Variants in CCNH observed in about 807,000 individuals in gnomAD.
The protein encoded by CCNH is cyclin-H.
A neutral mutation model predicts 41.9 loss-of-function variants in CCNH; 31 were observed. The ratio of observed to expected loss-of-function variants is 0.74; its 90% CI spans 0.56 to 1.00. CCNH has a LOEUF of 1.00. Ranked by LOEUF, CCNH falls within the 50% of genes least tolerant of loss-of-function variation. CCNH has a pLI of 0.00. For missense variants in CCNH, 362 were observed against 388.4 expected (o/e 0.93, Z 0.57); for synonymous variants, 138 against 136.1 (o/e 1.01, Z -0.10).
chr5:87,383,171 A>G (rs182962257), intron 9 of CCNH, among the ~76,000 whole-genome samples: 174 of 152,274 alleles, frequency 1.1e-3, no homozygotes, highest in African/African-American at 4.1e-3. Flanking sequence ...TCAATAAGTC[A>G]CTTTTTCTCT....
downstream of CCNH, among the ~76,000 whole-genome samples, chr5:87,388,726 TTCTCA>T (rs570918836): frequency 9.0e-3 from 1,371 of 152,302 alleles, 1 homozygote; most frequent in African/African-American, 0.031. Context: ...ACCTGACAGG[TTCTCA>T]TTGCATTTTC....
At position 87,353,246 on chromosome 5, in the gene CCNH, C is replaced by G. The variant is rs1195674669; in HGVS notation, c.*91-34349G>C. 1.3e-6 allele frequency: 2 copies of G among 1,583,556 alleles called. No homozygotes were observed. The highest frequency in any genetic ancestry group is 2.7e-5 in the African/African-American group (2 of 74,174). ...CCTGTACCAATGCAGGTCAGTGTTGCATTTCTTATTGCAATAATTAGCATT... is the reference window on the plus strand; with the variant it reads ...CCTGTACCAATGCAGGTCAGTGTTGGATTTCTTATTGCAATAATTAGCATT... On this transcript the variant is annotated intron_variant and NMD_transcript_variant, in intron 9 of 9. Transcript: ENST00000645953.
At position 87,383,859 on chromosome 5, in the gene CCNH, C is replaced by CT. The variant is rs370865130; in HGVS notation, c.*90+8910dup. 0.045 allele frequency: 39,582 copies of CT among 884,704 alleles called. 16 individuals are homozygous for CT. Among genetic ancestry groups the CT allele is most frequent in the South Asian group, 0.057 (3,317 of 58,642 alleles). The allele number at this position is 884,704 out of a possible 1,614,324, so 54.8% of individuals were successfully genotyped here. A position where few individuals can be genotyped will look rare whatever the true frequency, so the allele number is the denominator to read the frequency against. ...ATACTATTTAAGAATACTCTTAAAT[C>CT]TTTTTTTTTTTTTTGATCATCCAAT... On this transcript the variant is annotated intron_variant and NMD_transcript_variant, in intron 9 of 9. Transcript: ENST00000645953.
At chr5:87,395,663 A>G (rs1264591303) in intron 7 of CCNH, among the ~76,000 whole-genome samples, 1 of 152,166 alleles carries the variant, frequency 6.6e-6, no homozygotes, top group Non-Finnish European at 1.5e-5. Context: ...CCTGAGCCCA[A>G]GAGTTTGAGG....
exon 1 of CCNH, chr5:87,376,971 A>C: frequency 6.2e-7 from 1 of 1,613,064 alleles, no homozygotes. Context: ...CCTACTGAGG[A>C]TTTTTCTTCA....
intron 9 of CCNH, among the ~76,000 whole-genome samples, chr5:87,335,904 GATAA>G (rs1757942160): frequency 6.6e-6 from 1 of 152,162 alleles, no homozygotes; most frequent in Non-Finnish European, 1.5e-5. Context: ...AAAGTTCACT[GATAA>G]ATAGTTTTGG....
chr5:87,412,549 G>T, intron 1 of CCNH, 129 bp downstream of exon 1: 2 of 1,463,832 alleles, frequency 1.4e-6, no homozygotes, highest in Non-Finnish European at 1.8e-6. Context: ...TATTTTGATA[G>T]AAAAACGCAC....
chr5:87,351,715 T>C (rs2112428196), intron 9 of CCNH, among the ~76,000 whole-genome samples: 1 of 151,824 alleles, frequency 6.6e-6, no homozygotes, highest in East Asian at 1.9e-4. Context: ...CTGCGTAGAG[T>C]ATAAATGGAA....
At chr5:87,368,195 C>T (rs1473104176) in intron 9 of CCNH, among the ~76,000 whole-genome samples, 1 of 151,822 alleles carries the variant, frequency 6.6e-6, no homozygotes, top group Non-Finnish European at 1.5e-5. Context: ...TCCTCTGTAC[C>T]AACCTATATA....
downstream of CCNH, chr5:87,390,930 G>C: frequency 6.5e-7 from 1 of 1,531,324 alleles, no homozygotes; most frequent in East Asian, 2.3e-5. Context: ...GTCCAACATG[G>C]TAATTCACTT....
At chr5:87,314,962 C>A (rs1363330923), downstream of CCNH, among the ~76,000 whole-genome samples, 2 of 152,096 alleles carry the variant, frequency 1.3e-5, no homozygotes, top group Non-Finnish European at 2.9e-5. Context: ...TTCAGAGATC[C>A]TAAATAAAAC....
chr5:87,402,119 C>A (rs910309236), intron 5 of CCNH, among the ~76,000 whole-genome samples: 1 of 152,112 alleles, frequency 6.6e-6, no homozygotes, highest in Non-Finnish European at 1.5e-5. Context: ...CAGGGATGAA[C>A]AAGTCATGAT....
intron 9 of CCNH, chr5:87,346,715 C>G (rs1437164204): frequency 6.4e-7 from 1 of 1,550,500 alleles, no homozygotes. Flanking sequence ...TTATAATTTA[C>G]TAATGACAGG....
downstream of CCNH, chr5:87,374,336 TCATTA>T (rs1214299206): frequency 1.3e-6 from 2 of 1,593,568 alleles, no homozygotes; most frequent in Non-Finnish European, 1.7e-6. Flanking sequence ...TCTTATTTTA[TCATTA>T]CATTAATCAT....
intron 9 of CCNH, among the ~76,000 whole-genome samples, chr5:87,348,436 G>A (rs1054223369): frequency 3.3e-5 from 5 of 151,892 alleles, no homozygotes; most frequent in Non-Finnish European, 7.4e-5. Context: ...GCCAATCAAA[G>A]ATATCAGAAA....
chr5:87,331,636 T>C, intron 9 of CCNH: 3 of 1,013,802 alleles, frequency 3.0e-6, no homozygotes, highest in South Asian at 2.9e-5. Context: ...GTCAAATGAT[T>C]TAATCAGTGA....
chr5:87,393,362 T>TAACA (rs141352831), downstream of CCNH: 718 of 152,266 alleles, frequency 4.7e-3, 6 homozygotes, highest in African/African-American at 0.016. Flanking sequence ...TTATAATAGT[T>TAACA]AACACTTACT....
intron 9 of CCNH, among the ~76,000 whole-genome samples, chr5:87,341,761 T>C (rs1228007090): frequency 2.0e-5 from 3 of 152,156 alleles, no homozygotes; most frequent in Admixed American, 6.5e-5. Context: ...TTTATGTATA[T>C]GTAAGTTTTC....
chr5:87,312,138 C>T, the CCNH span, among the ~76,000 whole-genome samples: 98 of 152,220 alleles, frequency 6.4e-4, no homozygotes, highest in African/African-American at 2.3e-3. Context: ...AAATGATAGA[C>T]CAGTGGATTT....
Sources: gnomAD v4.1 joint callset for allele counts (sites outside exome capture counted in the v4.1 genomes callset) on GRCh38, gnomAD v4.1.1 for gene constraint, MANE v1.5 for transcripts, NCBI Gene and HGNC (gene_info 2026-07-23, HGNC 2026-07-21) for gene names.